Variants in KHDRBS2 observed in about 807,000 individuals in gnomAD.
KHDRBS2 encodes the protein KH RNA binding domain containing, signal transduction associated 2.
A neutral mutation model predicts 44.3 loss-of-function variants in KHDRBS2; 26 were observed. The ratio of observed to expected loss-of-function variants is 0.59; its 90% CI spans 0.43 to 0.81. The LOEUF (loss-of-function observed/expected upper bound fraction) is 0.81, where lower values mean the gene tolerates loss of function less well. KHDRBS2 is among the 40% of genes least tolerant of loss of function. The probability of loss-of-function intolerance (pLI) is 0.00; values close to 1 mark genes in which losing one functional copy is unlikely to be tolerated. For missense variants in KHDRBS2, 476 were observed against 433.1 expected (o/e 1.10, Z -0.88); for synonymous variants, 194 against 151.1 (o/e 1.28, Z -2.08).
chr6:61,716,989 G>T (rs1582352699), intron 7 of KHDRBS2, among the ~76,000 whole-genome samples: 1 of 152,188 alleles, frequency 6.6e-6, no homozygotes, highest in East Asian at 1.9e-4. Context: ...TGACTGGCAT[G>T]TTGACATGCC....
chr6:61,968,586 A>G (rs1156292678), intron 4 of KHDRBS2, among the ~76,000 whole-genome samples: 11 of 152,214 alleles, frequency 7.2e-5, no homozygotes, highest in Non-Finnish European at 1.0e-4. Context: ...CTGAATGGTA[A>G]TAAGTCCAGA....
At position 61,747,614 on chromosome 6, in the gene KHDRBS2, A is replaced by T. The variant is rs575734637; in HGVS notation, c.811-14850T>A. Among the ~76,000 whole-genome samples the T allele has an allele frequency of 1.4e-3, 212 of 151,696 alleles. 1 individual carries two copies. The highest frequency in any genetic ancestry group is 4.9e-3 in the African/African-American group (201 of 40,972). ...GTAATTAATTTTCTATAAGCCAGTT[A>T]AGTAATCTTCATTTCCATGGTGGCT... On this transcript the variant is annotated intron_variant, in intron 6 of 8. Transcript: ENST00000281156.
downstream of KHDRBS2, among the ~76,000 whole-genome samples, chr6:61,676,566 G>A (rs571172007): frequency 1.6e-4 from 25 of 151,836 alleles, no homozygotes; most frequent in Non-Finnish European, 3.1e-4. Context: ...CTATGTTGAA[G>A]CTACTGCATC....
At chr6:61,678,323 C>T (rs1766060451), downstream of KHDRBS2, among the ~76,000 whole-genome samples, 1 of 151,936 alleles carries the variant, frequency 6.6e-6, no homozygotes, top group African/African-American at 2.4e-5. Flanking sequence ...AACCAAGTCT[C>T]AATTTCAAAC....
chr6:61,680,969 T>G lies in KHDRBS2; in HGVS notation c.1044A>C (p.Arg348Ser). 6.2e-7 allele frequency: 1 copy of G among 1,605,298 alleles called. No individual in the cohort carries two copies. Among genetic ancestry groups the G allele is most frequent in the Non-Finnish European group, 8.5e-7 (1 of 1,173,672 alleles). Residue 348 changes from arginine (R) to serine (S), a missense_variant, in exon 9 of 9, where the codon AGA (arginine) becomes AGC (serine). Coordinates refer to ENST00000281156, the MANE Select transcript of KHDRBS2 (RefSeq NM_152688.4). The stretch of plus-strand genomic sequence containing the variant: ...TCACAGGTGGGAAGGACCTTCAATA[T>G]CTACCATAGGGGTGTTCCCTGTATC... Reference protein sequence around the residue: ...RGGYREHPYGRY With the variant: ...RGGYREHPYGSY
intron 7 of KHDRBS2, among the ~76,000 whole-genome samples, chr6:61,703,413 A>G (rs1768994773): frequency 1.3e-5 from 2 of 151,880 alleles, no homozygotes; most frequent in Admixed American, 1.3e-4. Flanking sequence ...TAACAATATG[A>G]AAATTATATG....
intron 2 of KHDRBS2, among the ~76,000 whole-genome samples, chr6:62,078,246 T>A (rs1480435899): frequency 1.3e-5 from 2 of 152,062 alleles, no homozygotes; most frequent in Non-Finnish European, 2.9e-5. Flanking sequence ...TGCTTTAGGA[T>A]CTTATGATCA....
In KHDRBS2 at chr6:61,869,981, T is replaced by TTTTG. The variant is rs1554252312; in HGVS notation, c.810+24653_810+24654insCAAA. ...GCAGGAGTGTTTTTTTTTTTTTTTT[T>TTTTG]TTTTTTCCCCATACTACAGTGGTGC... is the stretch of plus-strand genomic sequence containing the variant. On this transcript the variant is annotated intron_variant, in intron 6 of 8. Coordinates refer to ENST00000281156, the MANE Select transcript of KHDRBS2 (RefSeq NM_152688.4). 1.6e-3 allele frequency among the ~76,000 whole-genome samples: 238 copies of TTTTG among 147,240 alleles called. 1 individual carries two copies. Among genetic ancestry groups the TTTTG allele is most frequent in the Middle Eastern group, 0.014 (4 of 288 alleles).
At chr6:61,969,647 GA>G (rs1382682300) in intron 4 of KHDRBS2, among the ~76,000 whole-genome samples, 4 of 151,852 alleles carry the variant, frequency 2.6e-5, no homozygotes, top group African/African-American at 9.7e-5. Context: ...ATAAGAAGTA[GA>G]TTAGGAATAA....
intron 2 of KHDRBS2, among the ~76,000 whole-genome samples, chr6:62,164,798 A>C (rs930366856): frequency 2.0e-5 from 3 of 151,914 alleles, no homozygotes; most frequent in Admixed American, 2.0e-4. Context: ...CCAAGACACT[A>C]TGAAGTGAAA....
chr6:61,670,040 G>A, the KHDRBS2 span, among the ~76,000 whole-genome samples: 1 of 151,154 alleles, frequency 6.6e-6, no homozygotes, highest in African/African-American at 2.4e-5. Context: ...CAAAGAAATA[G>A]AAAAGAACTA....
At chr6:62,062,136 G>T (rs1193685519) in intron 2 of KHDRBS2, among the ~76,000 whole-genome samples, 4 of 148,106 alleles carry the variant, frequency 2.7e-5, no homozygotes, top group East Asian at 4.0e-4. Context: ...AGCAAGTCCT[G>T]AGTGACCTAC....
chr6:62,082,528 G>A (rs552355185), intron 2 of KHDRBS2, among the ~76,000 whole-genome samples: 5 of 152,142 alleles, frequency 3.3e-5, no homozygotes, highest in Non-Finnish European at 5.9e-5. Flanking sequence ...TCATGGAAAC[G>A]ATTTCATACT....
chr6:61,863,627 T>G (rs1172102088), intron 6 of KHDRBS2, among the ~76,000 whole-genome samples: 2 of 152,228 alleles, frequency 1.3e-5, no homozygotes, highest in Non-Finnish European at 2.9e-5. Context: ...TATAATTTGA[T>G]TGTACTGTGA....
At chr6:61,752,536 G>A (rs1416944610) in intron 6 of KHDRBS2, among the ~76,000 whole-genome samples, 4 of 151,908 alleles carry the variant, frequency 2.6e-5, no homozygotes, top group Non-Finnish European at 5.9e-5. Context: ...TCTTAAATTT[G>A]CATTCCATTA....
At chr6:61,891,978 A>G (rs1801925720) in intron 6 of KHDRBS2, among the ~76,000 whole-genome samples, 1 of 152,178 alleles carries the variant, frequency 6.6e-6, no homozygotes, top group South Asian at 2.1e-4. Flanking sequence ...TTTGCAGATG[A>G]CATGATTGTA....
chr6:61,598,159 C>G, the KHDRBS2 span, among the ~76,000 whole-genome samples: 1 of 150,888 alleles, frequency 6.6e-6, no homozygotes, highest in Admixed American at 6.6e-5. Flanking sequence ...AGTTCAGTTC[C>G]CAGTGGCAGT....
At chr6:61,715,443 T>TGA (rs1771238899) in intron 7 of KHDRBS2, among the ~76,000 whole-genome samples, 1 of 151,942 alleles carries the variant, frequency 6.6e-6, no homozygotes, top group Non-Finnish European at 1.5e-5. Flanking sequence ...CCCCAACACT[T>TGA]TCAAATATCT....
intron 6 of KHDRBS2, among the ~76,000 whole-genome samples, chr6:61,803,836 C>A (rs564803631): frequency 1.3e-5 from 2 of 152,016 alleles, no homozygotes; most frequent in East Asian, 3.9e-4. Flanking sequence ...TGTGCGAACT[C>A]ACTCACCATC....
Sources: allele counts gnomAD v4.1 joint callset (sites outside exome capture counted in the v4.1 genomes callset), GRCh38; gene constraint gnomAD v4.1.1; transcripts MANE v1.5; gene names NCBI Gene and HGNC (gene_info 2026-07-23, HGNC 2026-07-21).